The following EPHA6 variants were observed in gnomAD, a reference collection of about 807,000 sequenced individuals.
EPHA6 encodes EPH receptor A6, also known as ephrin type-A receptor 6.
Under a neutral mutation model 112.0 loss-of-function variants are expected in EPHA6, and 50 were observed. The ratio of observed to expected loss-of-function variants is 0.45; its 90% CI spans 0.36 to 0.56. EPHA6 has a LOEUF of 0.56. EPHA6 is among the 20% of genes least tolerant of loss of function. The pLI, the probability that EPHA6 is intolerant of heterozygous loss-of-function variation, is 0.00. For missense variants in EPHA6, 1,280 were observed against 1,417.4 expected (o/e 0.90, Z 1.56); for synonymous variants, 529 against 490.7 (o/e 1.08, Z -1.03).
At chr3:97,325,361 T>G (rs1338845098) in intron 5 of EPHA6, among the ~76,000 whole-genome samples, 1 of 152,126 alleles carries the variant, frequency 6.6e-6, no homozygotes. Context: ...CACTGTGTCC[T>G]CACTGGTCTT....
At chr3:97,507,623 T>C (rs2092281554) in intron 10 of EPHA6, among the ~76,000 whole-genome samples, 1 of 152,194 alleles carries the variant, frequency 6.6e-6, no homozygotes, top group African/African-American at 2.4e-5. Flanking sequence ...TCTGAAATTT[T>C]CTTTTTTTGT....
rs1333968577 is a variant in EPHA6, at chr3:97,447,798, C to G, written c.1732-770C>G. On this transcript the variant is annotated intron_variant, in intron 6 of 17. Coordinates refer to ENST00000389672, the MANE Select transcript of EPHA6 (RefSeq NM_001080448.3). ...GCAATTCACGCAAGAGACTGAGAAC[C>G]AAGCCTCAAGCCCTGCCTCTGATTC... The G allele has an allele frequency of 4.9e-6, 5 of 1,015,242 alleles. No individual in the cohort carries two copies. The East Asian group carries it at 3.4e-4, about 68-fold the overall frequency. 62.9% of individuals were successfully genotyped at this position (1,015,242 alleles called of 1,614,324 possible). A position where few individuals can be genotyped will look rare whatever the true frequency, so the allele number is the denominator to read the frequency against.
chr3:96,819,578 C>G (rs762462342), intron 1 of EPHA6, among the ~76,000 whole-genome samples: 2 of 152,000 alleles, frequency 1.3e-5, no homozygotes, highest in Admixed American at 6.6e-5. Context: ...TCATTGTACC[C>G]TTGACTCACC....
intron 1 of EPHA6, among the ~76,000 whole-genome samples, chr3:96,855,686 A>G (rs2035652279): frequency 6.6e-6 from 1 of 152,042 alleles, no homozygotes. Context: ...TGAAAATGAA[A>G]AAAAAAAACA....
chr3:97,058,086 C>T (rs60503456), intron 3 of EPHA6, among the ~76,000 whole-genome samples: 5,095 of 151,878 alleles, frequency 0.034, 286 homozygotes, highest in African/African-American at 0.11. Context: ...AAGACCATTG[C>T]AGAGAGAAAT....
intron 5 of EPHA6, among the ~76,000 whole-genome samples, chr3:97,261,599 G>A (rs1415701537): frequency 6.6e-6 from 1 of 152,108 alleles, no homozygotes; most frequent in Non-Finnish European, 1.5e-5. Flanking sequence ...TAGGACAACA[G>A]CTTTTTCTTT....
intron 14 of EPHA6, among the ~76,000 whole-genome samples, chr3:97,678,302 T>C (rs2031573767): frequency 6.6e-6 from 1 of 152,162 alleles, no homozygotes; most frequent in South Asian, 2.1e-4. Context: ...CAAAGAAAAC[T>C]TCATTTTTGG....
At chr3:97,408,868 C>A (rs1482174884) in intron 6 of EPHA6, among the ~76,000 whole-genome samples, 1 of 152,014 alleles carries the variant, frequency 6.6e-6, no homozygotes, top group Non-Finnish European at 1.5e-5. Flanking sequence ...CAGACTCTAA[C>A]AGTTATATTT....
intron 2 of EPHA6, among the ~76,000 whole-genome samples, chr3:96,963,358 C>G (rs1215758619): frequency 6.6e-6 from 1 of 151,994 alleles, no homozygotes; most frequent in Non-Finnish European, 1.5e-5. Context: ...GATTTCCATC[C>G]CCTCATGCAC....
intron 14 of EPHA6, among the ~76,000 whole-genome samples, chr3:97,677,486 C>T (rs1366989712): frequency 6.6e-6 from 1 of 151,482 alleles, no homozygotes; most frequent in Admixed American, 6.6e-5. Context: ...TTTGGGAGGC[C>T]AAGGTGGGCG....
At chr3:97,186,034 G>T (rs1290807817) in intron 3 of EPHA6, among the ~76,000 whole-genome samples, 2 of 139,436 alleles carry the variant, frequency 1.4e-5, no homozygotes, top group Admixed American at 1.5e-4. Flanking sequence ...GACACAAGAA[G>T]GGGAACATCA....
chr3:97,625,963 A>T (rs539718234), intron 13 of EPHA6, among the ~76,000 whole-genome samples: 1 of 151,826 alleles, frequency 6.6e-6, no homozygotes, highest in African/African-American at 2.4e-5. Flanking sequence ...GAAGGAAATG[A>T]TGCCTGATTC....
intron 3 of EPHA6, among the ~76,000 whole-genome samples, chr3:97,190,580 T>A (rs2077274767): frequency 6.6e-6 from 1 of 152,146 alleles, no homozygotes; most frequent in Non-Finnish European, 1.5e-5. Flanking sequence ...CCTTCATTTT[T>A]ATGATTTTAT....
At chr3:97,553,950 A>G (rs1436980997) in intron 11 of EPHA6, among the ~76,000 whole-genome samples, 1 of 152,202 alleles carries the variant, frequency 6.6e-6, no homozygotes, top group Non-Finnish European at 1.5e-5. Flanking sequence ...CATCATCTAT[A>G]TATAACAATA....
At chr3:97,020,769 A>T (rs2044430049) in intron 3 of EPHA6, among the ~76,000 whole-genome samples, 2 of 152,162 alleles carry the variant, frequency 1.3e-5, no homozygotes, top group African/African-American at 4.8e-5. Context: ...AGGTTTTTTT[A>T]AATTGTTTTT....
At chr3:96,872,613 G>T (rs919973821) in intron 2 of EPHA6, among the ~76,000 whole-genome samples, 8 of 151,968 alleles carry the variant, frequency 5.3e-5, no homozygotes, top group African/African-American at 1.9e-4. Context: ...ATTCCAGGTT[G>T]GTGGGCTTTA....
chr3:96,934,337 T>G (rs1576083764), intron 2 of EPHA6, among the ~76,000 whole-genome samples: 1 of 151,804 alleles, frequency 6.6e-6, no homozygotes, highest in East Asian at 1.9e-4. Flanking sequence ...ATCCATTTTT[T>G]ATTTTATCTT....
In EPHA6 at chr3:97,244,409, T is replaced by G. The variant is rs866961939; in HGVS notation, c.1606+122T>G. 3 of 759,304 alleles carry G rather than the reference T, an allele frequency of 4.0e-6. No homozygotes were observed. In the African/African-American group the frequency reaches 5.2e-5, roughly 13 times the overall value. The allele number at this position is 759,304 out of a possible 1,614,324, so 47.0% of individuals were successfully genotyped here. Reference sequence around the variant, plus strand: ...TCATATACGTTATACACTGCAGAGGTAATGCACTGGTTGTTGTTCTTGTTC... The same window carrying G: ...TCATATACGTTATACACTGCAGAGGGAATGCACTGGTTGTTGTTCTTGTTC... On this transcript the variant is annotated intron_variant, in intron 5 of 17. Transcript: ENST00000389672.
chr3:97,670,995 T>A (rs1179184202), intron 14 of EPHA6, among the ~76,000 whole-genome samples: 2 of 152,122 alleles, frequency 1.3e-5, no homozygotes, highest in Non-Finnish European at 2.9e-5. Context: ...TCATAGAGGA[T>A]CTTCTAGAGA....
Sources: allele counts gnomAD v4.1 joint callset (sites outside exome capture counted in the v4.1 genomes callset), GRCh38; gene constraint gnomAD v4.1.1; transcripts MANE v1.5; gene names NCBI Gene and HGNC (gene_info 2026-07-23, HGNC 2026-07-21).